The following CNTLN variants were observed in gnomAD, a reference collection of about 807,000 sequenced individuals.
The protein encoded by CNTLN is centlein, centrosomal protein.
CNTLN carries 212 observed loss-of-function variants against 180.0 expected under a neutral mutation model. The observed-to-expected ratio is 1.18, with a 90% confidence interval of 1.05 to 1.32. The LOEUF (loss-of-function observed/expected upper bound fraction) is 1.32. CNTLN is among the 40% of genes most tolerant of loss of function. CNTLN has a pLI of 0.00. For missense variants in CNTLN, 2,095 were observed against 1,610.9 expected (o/e 1.30, Z -5.14); for synonymous variants, 722 against 563.1 (o/e 1.28, Z -3.99).
intron 24 of CNTLN, among the ~76,000 whole-genome samples, chr9:17,486,564 T>G (rs1290839373): frequency 5.9e-5 from 9 of 152,118 alleles, no homozygotes; most frequent in Admixed American, 5.9e-4. Context: ...CCATGTTCTA[T>G]TCTGTTTGTA....
intron 6 of CNTLN, among the ~76,000 whole-genome samples, chr9:17,290,874 T>A (rs201208233): frequency 3.9e-5 from 6 of 152,234 alleles, no homozygotes; most frequent in Admixed American, 3.3e-4. Flanking sequence ...GGCTCGCGCA[T>A]GGTGCGTGCA....
At chr9:17,488,084 C>T (rs775893495) in intron 25 of CNTLN, among the ~76,000 whole-genome samples, 1 of 152,048 alleles carries the variant, frequency 6.6e-6, no homozygotes, top group Non-Finnish European at 1.5e-5. Context: ...AAAATAGAAA[C>T]TGATATTAAA....
chr9:17,312,366 A>ATATATAT (rs1819224262), intron 8 of CNTLN, among the ~76,000 whole-genome samples: 2 of 9,328 alleles, frequency 2.1e-4, no homozygotes, highest in African/African-American at 4.3e-4. Context: ...TATATATATT[A>ATATATAT]TATATATATA....
At chr9:17,352,014 T>C in intron 12 of CNTLN, among the ~76,000 whole-genome samples, 1 of 152,178 alleles carries the variant, frequency 6.6e-6, no homozygotes, top group East Asian at 1.9e-4. Context: ...GGTGGCAAGT[T>C]TGTCAATGAA....
chr9:17,367,763 C>T (rs1823952624), intron 13 of CNTLN, among the ~76,000 whole-genome samples: 1 of 152,090 alleles, frequency 6.6e-6, no homozygotes, highest in Admixed American at 6.5e-5. Context: ...GAACCTGGTG[C>T]CTTGAAGGCA....
At chr9:17,373,660 C>A (rs1427988018) in intron 13 of CNTLN, among the ~76,000 whole-genome samples, 1 of 152,040 alleles carries the variant, frequency 6.6e-6, no homozygotes, top group Non-Finnish European at 1.5e-5. Flanking sequence ...AAAAGAGACC[C>A]AGAATAGCCA....
At position 17,378,104 on chromosome 9, in the gene CNTLN, A is replaced by G. The variant is rs534937685; in HGVS notation, c.1988-10058A>G. ...ATATCTATTTTCTTAACAATTCTTT[A>G]ATCTTTTGTCTTCTGCATCCAGTTT... On this transcript the variant is annotated intron_variant, in intron 13 of 25. Transcript: ENST00000380647. 5.9e-5 allele frequency among the ~76,000 whole-genome samples: 9 copies of G among 152,128 alleles called. 1 individual carries two copies. In the South Asian group the frequency reaches 1.9e-3, roughly 32 times the overall value.
At chr9:17,298,108 CT>C (rs1818077954) in intron 6 of CNTLN, 81 bp from the exon 7 acceptor site, 3 of 1,217,638 alleles carry the variant, frequency 2.5e-6, no homozygotes, top group Non-Finnish European at 3.2e-6. Context: ...GGATGCCAAT[CT>C]GTAACCTTAG....
chr9:17,265,437 G>T (rs1156752760), intron 5 of CNTLN, among the ~76,000 whole-genome samples: 7 of 152,116 alleles, frequency 4.6e-5, no homozygotes, highest in South Asian at 4.1e-4. Context: ...GCTGGATTCG[G>T]TTTGCCAGTA....
intron 15 of CNTLN, among the ~76,000 whole-genome samples, chr9:17,399,633 T>C (rs1051719225): frequency 2.6e-5 from 4 of 151,898 alleles, no homozygotes; most frequent in African/African-American, 7.3e-5. Context: ...TTCACTCACA[T>C]TACCACCTTT....
At chr9:17,182,434 C>A (rs1821180809) in intron 2 of CNTLN, among the ~76,000 whole-genome samples, 1 of 152,044 alleles carries the variant, frequency 6.6e-6, no homozygotes, top group Non-Finnish European at 1.5e-5. Context: ...TTTTTTCCCC[C>A]ACTTCAGAGT....
At chr9:17,517,948 C>T in the CNTLN span, among the ~76,000 whole-genome samples, 1 of 151,594 alleles carries the variant, frequency 6.6e-6, no homozygotes, top group African/African-American at 2.4e-5. Flanking sequence ...TTCCTTTAAC[C>T]ACCCCCCAAG....
intron 2 of CNTLN, among the ~76,000 whole-genome samples, chr9:17,224,605 C>G (rs896053563): frequency 2.0e-5 from 3 of 152,094 alleles, no homozygotes; most frequent in African/African-American, 7.2e-5. Context: ...TCCCTTATTT[C>G]ACTAATCTCT....
chr9:17,298,822 T>C, intron 7 of CNTLN: 1 of 986,208 alleles, frequency 1.0e-6, no homozygotes, highest in South Asian at 4.7e-5. Flanking sequence ...TCTCTGTTTA[T>C]TTTGTGTGTT....
At chr9:17,260,575 A>G (rs556811694) in intron 5 of CNTLN, among the ~76,000 whole-genome samples, 1 of 151,112 alleles carries the variant, frequency 6.6e-6, no homozygotes, top group South Asian at 2.1e-4. Context: ...GGATGTTAGA[A>G]CCCTGTTAGA....
intron 12 of CNTLN, among the ~76,000 whole-genome samples, chr9:17,346,701 G>C (rs1042910714): frequency 6.6e-6 from 1 of 152,042 alleles, no homozygotes; most frequent in African/African-American, 2.4e-5. Context: ...TCTTGGCATG[G>C]ATTTGTTTGG....
intron 6 of CNTLN, among the ~76,000 whole-genome samples, chr9:17,291,015 G>A (rs1051498059): frequency 1.3e-5 from 2 of 152,024 alleles, no homozygotes; most frequent in Non-Finnish European, 2.9e-5. Context: ...GTTCCTATTC[G>A]GCCATCTTGG....
chr9:17,494,370 T>A lies in CNTLN; in HGVS notation c.4119+7304T>A, dbSNP rs1050901471. On this transcript the variant is annotated intron_variant, in intron 25 of 25. Coordinates refer to ENST00000380647, the MANE Select transcript of CNTLN (RefSeq NM_017738.4). ...GATAATGAAGCTGAAAATTTTTTTT[T>A]AATTAACTTTTATTTTAGGTTTAGG... Among the ~76,000 whole-genome samples the A allele has an allele frequency of 4.6e-5, 7 of 152,260 alleles. No homozygotes were observed. The South Asian group carries it at 6.2e-4, about 14-fold the overall frequency.
chr9:17,454,171 TAG>T (rs1432584738), intron 18 of CNTLN, among the ~76,000 whole-genome samples: 8 of 152,334 alleles, frequency 5.3e-5, no homozygotes, highest in African/African-American at 1.7e-4. Flanking sequence ...TACAGTCGCT[TAG>T]AGAGTTCTTT....
Sources: allele counts gnomAD v4.1 joint callset (sites outside exome capture counted in the v4.1 genomes callset), GRCh38; gene constraint gnomAD v4.1.1; transcripts MANE v1.5; gene names NCBI Gene and HGNC (gene_info 2026-07-23, HGNC 2026-07-21).